Variants in TCTN3 observed in about 807,000 individuals in gnomAD.
The protein encoded by TCTN3 is tectonic-3.
A neutral mutation model predicts 71.3 loss-of-function variants in TCTN3; 57 were observed. The ratio of observed to expected loss-of-function variants is 0.80; its 90% confidence interval spans 0.65 to 1.00. The LOEUF (loss-of-function observed/expected upper bound fraction) is 1.00. TCTN3 is among the 50% of genes least tolerant of loss of function. TCTN3 has a pLI of 0.00. For synonymous variants in TCTN3, 258 were observed against 267.8 expected (o/e 0.96, Z 0.36); for missense variants, 696 against 719.9 (o/e 0.97, Z 0.38).
Position 95,693,730 on chromosome 10 carries a change from C to A in TCTN3, c.170G>T (p.Arg57Leu), listed in dbSNP as rs1435640339. 1.9e-6 allele frequency: 3 copies of A among 1,551,662 alleles called. 1 individual carries two copies. Among genetic ancestry groups the A allele is most frequent in the South Asian group, 2.4e-5 (2 of 84,062 alleles). ...LQSPSEATATRPAVPGLPTVV... is the reference protein window; with the variant it reads ...LQSPSEATATLPAVPGLPTVV... ...TGTAGGGAGTCCAGGCACGGCCGGG[C>A]GAGTTGCAGTCGCCTCTGAAGGGGA... is the stretch of plus-strand genomic sequence containing the variant. Residue 57 changes from arginine to leucine, a missense_variant, in exon 1 of 14, where the codon CGC (arginine) becomes CTC (leucine). Arg to Leu is a moderately radical substitution (Grantham distance 102, BLOSUM62 -2). Transcript: ENST00000371217.
intron 13 of TCTN3, among the ~76,000 whole-genome samples, chr10:95,677,492 T>TG (rs200531226): frequency 0.017 from 2,337 of 140,608 alleles, 112 homozygotes; most frequent in African/African-American, 0.059. Flanking sequence ...TGTTTTTTTT[T>TG]TTTTTTTTTG....
At chr10:95,672,635 A>C (rs1053967158) in intron 13 of TCTN3, among the ~76,000 whole-genome samples, 1 of 140,326 alleles carries the variant, frequency 7.1e-6, no homozygotes, top group Non-Finnish European at 1.5e-5. Context: ...ATACCTTTCT[A>C]TGTTTAATGA....
chr10:95,665,791 T>C (rs2097925073), intron 13 of TCTN3, among the ~76,000 whole-genome samples: 1 of 152,018 alleles, frequency 6.6e-6, no homozygotes, highest in Admixed American at 6.6e-5. Flanking sequence ...TTTATAGTCC[T>C]AGGAAAATTT....
chr10:95,686,818 C>T (rs891353244), intron 6 of TCTN3, among the ~76,000 whole-genome samples: 16 of 152,202 alleles, frequency 1.1e-4, no homozygotes, highest in Admixed American at 3.9e-4. Flanking sequence ...CTTCCACCCT[C>T]GCAAGCCAAT....
chr10:95,692,058 T>C (rs940557767), intron 3 of TCTN3, among the ~76,000 whole-genome samples: 1 of 152,240 alleles, frequency 6.6e-6, no homozygotes, highest in Admixed American at 6.5e-5. Context: ...GCTTACTATG[T>C]GTTAGGCACT....
At chr10:95,674,797 A>G (rs1217254067) in intron 13 of TCTN3, among the ~76,000 whole-genome samples, 1 of 151,506 alleles carries the variant, frequency 6.6e-6, no homozygotes, top group Non-Finnish European at 1.5e-5. Context: ...CTCCAGCCAG[A>G]GTGACAGAGC....
chr10:95,669,600 A>G, intron 13 of TCTN3, among the ~76,000 whole-genome samples: 1 of 152,202 alleles, frequency 6.6e-6, no homozygotes, highest in East Asian at 1.9e-4. Flanking sequence ...GATGATGTCT[A>G]TCTGCTTCAC....
In TCTN3 at chr10:95,677,492, T is replaced by TTG. The variant is rs1555269147; in HGVS notation, c.1590+2979_1590+2980insCA. On this transcript the variant is annotated intron_variant, in intron 13 of 13. Transcript: ENST00000371217. ...GTCTACAGTTTTTTTTGTTTTTTTT[T>TTG]TTTTTTTTTGCTGTATTTTCCCTCT... 1.1e-3 allele frequency among the ~76,000 whole-genome samples: 157 copies of TTG among 140,610 alleles called. 2 individuals are homozygous for TTG. Among genetic ancestry groups the TTG allele is most frequent in the East Asian group, 3.5e-3 (17 of 4,914 alleles). The allele number at this position is 140,610 out of a possible 152,430, so 92.2% of individuals were successfully genotyped here.
intron 10 of TCTN3, 90 bp downstream of exon 10, chr10:95,683,432 C>T: frequency 6.2e-7 from 1 of 1,602,658 alleles, no homozygotes; most frequent in African/African-American, 1.3e-5. Flanking sequence ...CAAAAAATTC[C>T]TCACCTTTGG....
Position 95,693,720 on chromosome 10 carries a change from C to T in TCTN3, c.180G>A (p.Val60=). 1 of 1,551,702 alleles carries T rather than the reference C, an allele frequency of 6.4e-7. No individual in the cohort carries two copies. The change falls in exon 1 of 14, where the codon GTG becomes GTA. Residue 60 remains valine (V), a synonymous_variant. Transcript: ENST00000371217. The stretch of plus-strand genomic sequence containing the variant: ...TAGGGACCACTGTAGGGAGTCCAGG[C>T]ACGGCCGGGCGAGTTGCAGTCGCCT... The part of the protein sequence containing the change: ...PSEATATRPA[V]PGLPTVVPTL...
At chr10:95,682,166 G>C (rs1251055847) in intron 12 of TCTN3, among the ~76,000 whole-genome samples, 2 of 146,578 alleles carry the variant, frequency 1.4e-5, no homozygotes, top group Admixed American at 7.0e-5. Context: ...CTGCACTCCA[G>C]CCTAGGTAAG....
At chr10:95,684,275 G>A (rs1019947180) in intron 9 of TCTN3, among the ~76,000 whole-genome samples, 4 of 152,146 alleles carry the variant, frequency 2.6e-5, no homozygotes, top group Non-Finnish European at 4.4e-5. Context: ...TGCTTTGTTG[G>A]GGGCCAGACA....
chr10:95,677,484 T>G (rs1299067534), intron 13 of TCTN3, among the ~76,000 whole-genome samples: 1 of 46,692 alleles, frequency 2.1e-5, no homozygotes, highest in African/African-American at 5.8e-5. Context: ...GTTTTTTTTG[T>G]TTTTTTTTTT....
rs539111606 is a variant in TCTN3 at position 95,688,744 on chromosome 10, G to A, written c.500-1025C>T. On this transcript the variant is annotated intron_variant, in intron 3 of 13. Coordinates refer to ENST00000371217, the MANE Select transcript of TCTN3 (RefSeq NM_015631.6). ...TCTGGAAGAATTCTCTAATTTCTAT[G>A]ATAGCAATGTATAAATCTACCGAAA... 2.6e-5 allele frequency among the ~76,000 whole-genome samples: 4 copies of A among 152,228 alleles called. No individual in the cohort carries two copies. In the South Asian group the frequency reaches 8.3e-4, roughly 32 times the overall value.
chr10:95,690,902 T>C lies in TCTN3; in HGVS notation c.499+2018A>G, dbSNP rs573930749. Among the ~76,000 whole-genome samples the C allele has an allele frequency of 1.7e-3, 259 of 152,310 alleles. 1 individual carries two copies. The highest frequency in any genetic ancestry group is 3.8e-3 in the Admixed American group (58 of 15,302). On this transcript the variant is annotated intron_variant, in intron 3 of 13. Coordinates refer to ENST00000371217, the MANE Select transcript of TCTN3 (RefSeq NM_015631.6). ...CAAAGGGAAATTTTTGCCTTTTTCA[T>C]ACTAAACATGAATGTACACCCCACC... is the stretch of plus-strand genomic sequence containing the variant.
intron 13 of TCTN3, 122 bp downstream of exon 13, chr10:95,680,350 C>T (rs77884996): frequency 4.7e-6 from 6 of 1,275,450 alleles, no homozygotes; most frequent in Non-Finnish European, 6.4e-6. Flanking sequence ...TCACTTTAAA[C>T]AAACATTGGT....
In TCTN3 at chr10:95,664,142, A is replaced by T. The variant is rs1453126142; in HGVS notation, c.1749T>A (p.Ser583=). The T allele has an allele frequency of 6.2e-7, 1 of 1,614,030 alleles. No homozygotes were observed. The stretch of plus-strand genomic sequence containing the variant: ...GGATGGGAGAGACTGAGCATTTTTG[A>T]GAGAATACTCCTCTGCTGAATGCCA... ...FKVAFSRGVF[S]QKCSVSPILI... is the part of the protein sequence containing the mutation. Residue 583 remains serine, a synonymous_variant, in exon 14 of 14, where the codon TCT becomes TCA. Transcript: ENST00000371217.
chr10:95,686,956 A>G (rs1172877544), intron 6 of TCTN3, 88 bp downstream of exon 6: 2 of 1,181,182 alleles, frequency 1.7e-6, no homozygotes, highest in Non-Finnish European at 2.4e-6. Flanking sequence ...ACTTTTATTC[A>G]ATGCTCTTTC....
rs1566068655 is a variant in TCTN3 at position 95,677,492 on chromosome 10, T to TTTG, written c.1590+2979_1590+2980insCAA. On this transcript the variant is annotated intron_variant, in intron 13 of 13. Transcript: ENST00000371217. ...GTCTACAGTTTTTTTTGTTTTTTTT[T>TTTG]TTTTTTTTTGCTGTATTTTCCCTCT... Among the ~76,000 whole-genome samples, 33 of 140,606 alleles carry TTTG rather than the reference T, an allele frequency of 2.3e-4. No individual in the cohort carries two copies. In the East Asian group the frequency reaches 3.3e-3, roughly 14 times the overall value. 92.2% of individuals were successfully genotyped at this position (140,606 alleles called of 152,430 possible).
Sources: gnomAD v4.1 joint callset for allele counts (sites outside exome capture counted in the v4.1 genomes callset) on GRCh38, gnomAD v4.1.1 for gene constraint, MANE v1.5 for transcripts, NCBI Gene and HGNC (gene_info 2026-07-23, HGNC 2026-07-21) for gene names.